Variants in KAZN observed in about 807,000 individuals in gnomAD.
The protein encoded by KAZN is kazrin, periplakin interacting protein, also known as kazrin.
KAZN carries 40 observed loss-of-function variants against 87.4 expected under a neutral mutation model. The ratio of observed to expected loss-of-function variants is 0.46; its 90% CI spans 0.36 to 0.60. KAZN has a LOEUF of 0.60. Among genes scored for constraint, KAZN ranks in the 20% least tolerant of loss-of-function variants. The pLI is 0.00. For synonymous variants in KAZN, 466 were observed against 458.3 expected, an observed-to-expected ratio of 1.02 and a Z score of -0.22; for missense variants, 898 against 1,073.9, an observed-to-expected ratio of 0.84 and a Z score of 2.29.
chr1:13,945,390 C>G (rs1641097765), intron 1 of KAZN, among the ~76,000 whole-genome samples: 1 of 151,440 alleles, frequency 6.6e-6, no homozygotes, highest in Non-Finnish European at 1.5e-5. Context: ...AGGAGAATCA[C>G]TTGAACCTGG....
intron 1 of KAZN, among the ~76,000 whole-genome samples, chr1:14,150,345 A>G (rs1399263650): frequency 6.6e-6 from 1 of 152,196 alleles, no homozygotes; most frequent in African/African-American, 2.4e-5. Flanking sequence ...TCAGCTTAGT[A>G]TCTCAGGAGC....
At chr1:14,213,936 G>A (rs976596267) in intron 2 of KAZN, among the ~76,000 whole-genome samples, 2 of 152,176 alleles carry the variant, frequency 1.3e-5, no homozygotes, top group Non-Finnish European at 2.9e-5. Flanking sequence ...ACACAAGTGT[G>A]AAGAGCAAAT....
intron 2 of KAZN, among the ~76,000 whole-genome samples, chr1:14,577,740 A>G (rs761105657): frequency 2.0e-4 from 31 of 152,194 alleles, no homozygotes; most frequent in Non-Finnish European, 3.4e-4. Flanking sequence ...CAATCGTGAT[A>G]GTGATCATTG....
At chr1:14,831,796 C>G (rs1647056106) in intron 1 of KAZN, among the ~76,000 whole-genome samples, 1 of 152,102 alleles carries the variant, frequency 6.6e-6, no homozygotes, top group African/African-American at 2.4e-5. Flanking sequence ...TTCATTGCCT[C>G]CTCCAGCTTA....
At chr1:14,206,147 T>C (rs1646739649) in intron 2 of KAZN, among the ~76,000 whole-genome samples, 1 of 152,158 alleles carries the variant, frequency 6.6e-6, no homozygotes, top group African/African-American at 2.4e-5. Context: ...TCATTTCCAT[T>C]TTTAATTTTT....
rs76694756 is a variant in KAZN, at chr1:14,034,955, C to T, written c.91+141199C>T. 3.2e-3 allele frequency among the ~76,000 whole-genome samples: 483 copies of T among 152,218 alleles called. 3 individuals are homozygous for T. The highest frequency in any genetic ancestry group is 0.011 in the African/African-American group (446 of 41,524). ...CTTGCAGTGATGGGGGAAGATTCTGCGCTCCCAGCCTGGCAGAGGCAGCAT... is the reference window on the plus strand; with the variant it reads ...CTTGCAGTGATGGGGGAAGATTCTGTGCTCCCAGCCTGGCAGAGGCAGCAT... On this transcript the variant is annotated intron_variant, in intron 1 of 16. Transcript: ENST00000636203.
intron 1 of KAZN, among the ~76,000 whole-genome samples, chr1:14,925,481 C>T (rs1347769272): frequency 6.6e-6 from 1 of 152,152 alleles, no homozygotes; most frequent in Non-Finnish European, 1.5e-5. Context: ...TCCTTAAAAT[C>T]TTATCACAAC....
chr1:14,750,612 AAG>A (rs1553124420), intron 1 of KAZN, among the ~76,000 whole-genome samples: 1 of 151,884 alleles, frequency 6.6e-6, no homozygotes, highest in African/African-American at 2.4e-5. Context: ...AAAAAAAAAA[AAG>A]ACCTTTAAAA....
intron 12 of KAZN, among the ~76,000 whole-genome samples, chr1:15,103,694 C>T (rs1641180381): frequency 6.6e-6 from 1 of 152,164 alleles, no homozygotes; most frequent in South Asian, 2.1e-4. Context: ...TGCTTACCTT[C>T]CAAATAGGAG....
At chr1:14,073,909 AT>A (rs1643344151) in intron 1 of KAZN, among the ~76,000 whole-genome samples, 1 of 152,168 alleles carries the variant, frequency 6.6e-6, no homozygotes, top group Non-Finnish European at 1.5e-5. Flanking sequence ...CTTTGGGTAT[AT>A]ATCCAGTAAT....
chr1:15,060,492 C>T (rs751277122), intron 6 of KAZN, 190 bp downstream of exon 6: 55 of 753,152 alleles, frequency 7.3e-5, no homozygotes, highest in South Asian at 6.9e-4. Flanking sequence ...AGGAATGAGG[C>T]CCGTTTGCTC....
At chr1:15,002,198 G>A (rs527257412) in intron 2 of KAZN, among the ~76,000 whole-genome samples, 22 of 152,174 alleles carry the variant, frequency 1.4e-4, no homozygotes, top group African/African-American at 4.3e-4. Flanking sequence ...TTATGTATTC[G>A]ACGGTCACAG....
rs1328538449 is a variant in KAZN at position 14,856,928 on chromosome 1, ACTAT to A, written c.227-103753_227-103750del. ...GAGGAAGCTAAAAGATGCTTTGGAA[ACTAT>A]CTTCATCCACACATAGGGGTTTCTG... On this transcript the variant is annotated intron_variant, in intron 1 of 14. Coordinates refer to ENST00000376030, the MANE Select transcript of KAZN (RefSeq NM_201628.3). This position sits in a 1 kb window ranked among gnomAD's most constrained non-coding sequence, Gnocchi z 5.2. 6.6e-6 allele frequency among the ~76,000 whole-genome samples: 1 copy of A among 152,196 alleles called. No individual in the cohort carries two copies. The highest frequency in any genetic ancestry group is 6.5e-5 in the Admixed American group (1 of 15,280).
intron 1 of KAZN, among the ~76,000 whole-genome samples, chr1:14,128,555 G>A (rs1332514743): frequency 4.6e-5 from 7 of 152,130 alleles, no homozygotes; most frequent in African/African-American, 1.7e-4. Flanking sequence ...GTGTACCCCT[G>A]TGGTCTCTTT....
intron 2 of KAZN, among the ~76,000 whole-genome samples, chr1:14,359,640 A>G (rs1056615881): frequency 6.6e-6 from 1 of 152,224 alleles, no homozygotes; most frequent in Non-Finnish European, 1.5e-5. Flanking sequence ...AGTGGTGACA[A>G]AATCTCTCAG....
chr1:14,957,614 C>T (rs796583491), intron 1 of KAZN, among the ~76,000 whole-genome samples: 11 of 152,234 alleles, frequency 7.2e-5, no homozygotes, highest in African/African-American at 1.9e-4. Context: ...GGAGCGGAGC[C>T]GTTTTAGGTC....
At chr1:14,121,409 G>A (rs564289456) in intron 1 of KAZN, among the ~76,000 whole-genome samples, 32 of 152,250 alleles carry the variant, frequency 2.1e-4, no homozygotes, top group African/African-American at 7.7e-4. Context: ...CGGCGGGGGT[G>A]TGTTCATTTT....
chr1:13,931,450 G>A (rs1169302432), intron 1 of KAZN, among the ~76,000 whole-genome samples: 1 of 150,676 alleles, frequency 6.6e-6, no homozygotes, highest in African/African-American at 2.5e-5. Flanking sequence ...CCAGAGGGGT[G>A]TGTGTGTGTG....
chr1:14,332,553 T>C (rs150489428), intron 2 of KAZN, among the ~76,000 whole-genome samples: 1 of 152,156 alleles, frequency 6.6e-6, no homozygotes, highest in East Asian at 1.9e-4. Flanking sequence ...TTTTATGGAG[T>C]TGTTTTATTT....
Sources: allele counts gnomAD v4.1 joint callset (sites outside exome capture counted in the v4.1 genomes callset), GRCh38; gene constraint gnomAD v4.1.1; non-coding constraint Gnocchi (gnomAD v3.1); transcripts MANE v1.5; gene names NCBI Gene and HGNC (gene_info 2026-07-23, HGNC 2026-07-21).